Variants in C12orf42 observed in about 807,000 individuals in gnomAD.
The protein encoded by C12orf42 is uncharacterized protein C12orf42.
In C12orf42, 25 loss-of-function variants were observed where a neutral mutation model predicts 21.6. The ratio of observed to expected loss-of-function variants is 1.16; its 90% CI spans 0.84 to 1.62. The LOEUF (loss-of-function observed/expected upper bound fraction) is 1.62. C12orf42 is among the 40% of genes most tolerant of loss of function. C12orf42 has a pLI of 0.00. For missense variants in C12orf42, 483 were observed against 459.3 expected (o/e 1.05, Z -0.47); for synonymous variants, 174 against 175.0 (o/e 0.99, Z 0.05).
chr12:103,066,229 G>A, the C12orf42 span, among the ~76,000 whole-genome samples: 2 of 152,170 alleles, frequency 1.3e-5, no homozygotes, highest in Admixed American at 1.3e-4. Context: ...ATCATAAACT[G>A]GGTGCTTTCT....
At chr12:103,490,393 C>T (rs1955116539) in intron 1 of C12orf42, among the ~76,000 whole-genome samples, 1 of 152,134 alleles carries the variant, frequency 6.6e-6, no homozygotes, top group Non-Finnish European at 1.5e-5. Flanking sequence ...CTTAAAAATA[C>T]AAAATCCCCC....
rs71097975 is a variant in C12orf42, at chr12:103,427,295, GAA to G, written c.79-25622_79-25621del. The stretch of plus-strand genomic sequence containing the variant: ...AAGCAAATGGAAAGCAAAAAAAAAA[GAA>G]AAAAAAAAAAAGCAGCGGTTGCAAT... On this transcript the variant is annotated intron_variant, in intron 2 of 5. Coordinates refer to ENST00000548883, the MANE Select transcript of C12orf42 (RefSeq NM_198521.5). Among the ~76,000 whole-genome samples the G allele has an allele frequency of 4.5e-3, 546 of 120,568 alleles. 2 individuals carry two copies. Among genetic ancestry groups the G allele is most frequent in the African/African-American group, 0.015 (457 of 30,064 alleles). The allele number at this position is 120,568 out of a possible 152,430, so 79.1% of individuals were successfully genotyped here. A position where few individuals can be genotyped will look rare whatever the true frequency, so the allele number is the denominator to read the frequency against.
intron 2 of C12orf42, among the ~76,000 whole-genome samples, chr12:103,446,627 A>G (rs1239652668): frequency 6.6e-6 from 1 of 152,014 alleles, no homozygotes; most frequent in Admixed American, 6.6e-5. Context: ...CAACTAAAAC[A>G]TAAGGACTCA....
At chr12:103,199,526 T>C in the C12orf42 span, among the ~76,000 whole-genome samples, 10 of 152,258 alleles carry the variant, frequency 6.6e-5, no homozygotes, top group South Asian at 2.1e-3. Flanking sequence ...AGAAGGCGAC[T>C]GACAGAATGG....
At chr12:103,557,321 G>A in the C12orf42 span, 6 of 152,272 alleles carry the variant, frequency 3.9e-5, no homozygotes, top group Admixed American at 2.6e-4. Flanking sequence ...GTTCACATGT[G>A]CAATTATCTA....
the C12orf42 span, chr12:103,151,806 T>G: frequency 6.6e-6 from 1 of 152,208 alleles, no homozygotes; most frequent in Admixed American, 6.5e-5. Flanking sequence ...CACAATTGTA[T>G]GTAAGCTCTG....
chr12:103,250,612 T>A (rs530534084), intron 10 of C12orf42, among the ~76,000 whole-genome samples: 1 of 152,112 alleles, frequency 6.6e-6, no homozygotes, highest in Admixed American at 6.6e-5. Flanking sequence ...AGGGAGAGGA[T>A]AAAAGCAAAT....
chr12:103,122,989 A>T, the C12orf42 span, among the ~76,000 whole-genome samples: 1 of 152,324 alleles, frequency 6.6e-6, no homozygotes, highest in Non-Finnish European at 1.5e-5. Flanking sequence ...TGAAGCTGCT[A>T]CAAAGAAACA....
the C12orf42 span, among the ~76,000 whole-genome samples, chr12:103,089,577 T>C: frequency 1.3e-5 from 2 of 151,582 alleles, no homozygotes; most frequent in African/African-American, 2.4e-5. Flanking sequence ...TCACATGAGG[T>C]GGGTGTACTT....
At chr12:103,149,965 A>G in the C12orf42 span, among the ~76,000 whole-genome samples, 1 of 152,318 alleles carries the variant, frequency 6.6e-6, no homozygotes, top group South Asian at 2.1e-4. Flanking sequence ...TATCAATGAA[A>G]TATTGCTCAT....
downstream of C12orf42, among the ~76,000 whole-genome samples, chr12:103,300,914 T>C (rs2037605544): frequency 1.3e-5 from 2 of 152,204 alleles, no homozygotes; most frequent in African/African-American, 4.8e-5. Context: ...AGCATATTTA[T>C]TATTAAAAAA....
At chr12:103,156,537 T>C in the C12orf42 span, among the ~76,000 whole-genome samples, 1 of 152,156 alleles carries the variant, frequency 6.6e-6, no homozygotes, top group East Asian at 1.9e-4. Context: ...ATGGGATACA[T>C]GTGTAGAACA....
At chr12:103,232,333 C>G in the C12orf42 span, among the ~76,000 whole-genome samples, 1 of 152,136 alleles carries the variant, frequency 6.6e-6, no homozygotes, top group Non-Finnish European at 1.5e-5. Context: ...CCGACTCTTT[C>G]TTTTATGGAT....
intron 4 of C12orf42, among the ~76,000 whole-genome samples, chr12:103,280,288 C>G (rs1377856736): frequency 6.6e-6 from 1 of 152,060 alleles, no homozygotes; most frequent in African/African-American, 2.4e-5. Flanking sequence ...GTGCTGTGAG[C>G]AACAACAACA....
chr12:103,540,071 G>T, the C12orf42 span, among the ~76,000 whole-genome samples: 1 of 150,800 alleles, frequency 6.6e-6, no homozygotes, highest in African/African-American at 2.4e-5. Flanking sequence ...GTGCAGTGGA[G>T]CAATCAGCTC....
chr12:103,196,620 A>G, the C12orf42 span, among the ~76,000 whole-genome samples: 1 of 152,094 alleles, frequency 6.6e-6, no homozygotes, highest in Non-Finnish European at 1.5e-5. Flanking sequence ...GGGCATATAT[A>G]TATTTAGAAT....
chr12:103,137,722 A>T, the C12orf42 span, among the ~76,000 whole-genome samples: 1 of 152,226 alleles, frequency 6.6e-6, no homozygotes. Flanking sequence ...ATTTTCAGTA[A>T]CATGGATGGA....
At chr12:103,131,226 G>A in the C12orf42 span, among the ~76,000 whole-genome samples, 1 of 152,168 alleles carries the variant, frequency 6.6e-6, no homozygotes, top group Non-Finnish European at 1.5e-5. Flanking sequence ...AGAAATAATT[G>A]TGAGGCACTG....
At chr12:103,310,656 C>T (rs905836959) in intron 4 of C12orf42, among the ~76,000 whole-genome samples, 12 of 152,164 alleles carry the variant, frequency 7.9e-5, no homozygotes, top group Admixed American at 2.0e-4. Context: ...AAATATTCAG[C>T]TTAGAACAGT....
Sources: allele counts gnomAD v4.1 joint callset (sites outside exome capture counted in the v4.1 genomes callset), GRCh38; gene constraint gnomAD v4.1.1; transcripts MANE v1.5; gene names NCBI Gene and HGNC (gene_info 2026-07-23, HGNC 2026-07-21).